MAMLD1: variants seen among roughly 807,000 people sequenced by gnomAD.
The protein encoded by MAMLD1 is mastermind-like domain-containing protein 1.
In MAMLD1, 14 loss-of-function variants were observed where a neutral mutation model predicts 45.0. The ratio of observed to expected loss-of-function variants is 0.31; its 90% CI spans 0.21 to 0.49. The LOEUF (loss-of-function observed/expected upper bound fraction) is 0.49. MAMLD1 is among the 20% of genes least tolerant of loss of function. MAMLD1 has a pLI of 0.99. For missense variants in MAMLD1, 543 were observed against 603.6 expected (o/e 0.90, Z 1.05); for synonymous variants, 254 against 247.8 (o/e 1.02, Z -0.24).
chrX:150,506,136 T>C (rs1279020002), intron 6 of MAMLD1, among the ~76,000 whole-genome samples: 1 of 111,544 alleles, frequency 9.0e-6, no homozygotes, highest in Non-Finnish European at 1.9e-5. Flanking sequence ...TGCTCAACCT[T>C]TGGGACAGAT....
intron 1 of MAMLD1, among the ~76,000 whole-genome samples, chrX:150,389,342 C>T (rs782314709): frequency 2.7e-5 from 3 of 111,844 alleles, no homozygotes; most frequent in Middle Eastern, 4.6e-3. Flanking sequence ...CCACTGTACC[C>T]GGCCCATTTC....
At chrX:150,437,595 A>G (rs1313659962) in intron 1 of MAMLD1, among the ~76,000 whole-genome samples, 16 of 111,933 alleles carry the variant, frequency 1.4e-4, no homozygotes, top group African/African-American at 4.9e-4. Flanking sequence ...AATTTTGTTG[A>G]AGGCTTTTTC....
chrX:150,454,049 C>G lies in MAMLD1; in HGVS notation c.96+8437C>G, dbSNP rs782081915. Among the ~76,000 whole-genome samples, 14 of 112,078 alleles carry G rather than the reference C, an allele frequency of 1.2e-4. No homozygotes were observed. The South Asian group carries it at 5.3e-3, about 42-fold the overall frequency. ...TAATGGAAGTGTCAGTTCTGGGCCCCCTAGGCAGCCCTGCCTGCCCTTTAC... is the reference window on the plus strand; with the variant it reads ...TAATGGAAGTGTCAGTTCTGGGCCCGCTAGGCAGCCCTGCCTGCCCTTTAC... On this transcript the variant is annotated intron_variant, in intron 2 of 7. Coordinates refer to ENST00000370401, the MANE Select transcript of MAMLD1 (RefSeq NM_005491.5).
intron 5 of MAMLD1, 74 bp downstream of exon 5, chrX:150,473,876 A>T: frequency 1.9e-6 from 2 of 1,060,238 alleles, no homozygotes; most frequent in Non-Finnish European, 2.6e-6. Flanking sequence ...CCAGAGCTGG[A>T]TCAGCTGGCT....
chrX:150,445,910 C>T (rs945950501), intron 2 of MAMLD1, among the ~76,000 whole-genome samples: 1 of 111,190 alleles, frequency 9.0e-6, no homozygotes, highest in Admixed American at 9.5e-5. Context: ...AGAGGGAAGA[C>T]GAGTTTACTT....
At chrX:150,483,982 G>A (rs1273176930) in intron 5 of MAMLD1, among the ~76,000 whole-genome samples, 1 of 112,292 alleles carries the variant, frequency 8.9e-6, no homozygotes, top group Non-Finnish European at 1.9e-5. Context: ...TAAGCCAATC[G>A]ATTTTGGTCA....
chrX:150,454,571 G>A (rs1371083219), intron 2 of MAMLD1, among the ~76,000 whole-genome samples: 1 of 111,967 alleles, frequency 8.9e-6, no homozygotes, highest in Non-Finnish European at 1.9e-5. Context: ...TGACTACAAG[G>A]AGACAGACTG....
chrX:150,500,841 G>A (rs1481726158), intron 5 of MAMLD1, among the ~76,000 whole-genome samples: 2 of 112,141 alleles, frequency 1.8e-5, no homozygotes, highest in Non-Finnish European at 3.8e-5. Context: ...AAAGACACAA[G>A]CATCAGCTAT....
At chrX:150,370,166 C>T (rs1407463746) in intron 1 of MAMLD1, among the ~76,000 whole-genome samples, 18 of 109,405 alleles carry the variant, frequency 1.6e-4, no homozygotes, top group Non-Finnish European at 5.7e-5. Flanking sequence ...GAACAGGAGC[C>T]GGTTACTATG....
chrX:150,407,054 A>C (rs1473201509), intron 1 of MAMLD1, among the ~76,000 whole-genome samples: 2 of 111,643 alleles, frequency 1.8e-5, no homozygotes, highest in Non-Finnish European at 3.8e-5. Context: ...CTGAAGAGGA[A>C]GCAGAGAGGC....
chrX:150,365,439 G>T (rs782685921), intron 1 of MAMLD1, among the ~76,000 whole-genome samples: 106 of 113,065 alleles, frequency 9.4e-4, no homozygotes, highest in African/African-American at 3.3e-3. Context: ...GCGGGCGCGC[G>T]CAGAGGCCCT....
intron 1 of MAMLD1, among the ~76,000 whole-genome samples, chrX:150,430,395 C>T (rs782210217): frequency 9.0e-6 from 1 of 111,166 alleles, no homozygotes; most frequent in Non-Finnish European, 1.9e-5. Context: ...AATATTTTCT[C>T]CCAGTCTACA....
At position 150,442,756 on chromosome X, in the gene MAMLD1, C is replaced by T. The variant is rs186580236; in HGVS notation, c.-63-2698C>T. On this transcript the variant is annotated intron_variant, in intron 1 of 7. Transcript: ENST00000370401. ...TTTTCTCTTTCCATTGGTCTTTATTCCCTTCTAATGTTCAATATCCTTTCT... is the reference window on the plus strand; with the variant it reads ...TTTTCTCTTTCCATTGGTCTTTATTTCCTTCTAATGTTCAATATCCTTTCT... 6.3e-5 allele frequency among the ~76,000 whole-genome samples: 7 copies of T among 111,666 alleles called. No homozygotes were observed. In the East Asian group the frequency reaches 2.0e-3, roughly 31 times the overall value.
intron 1 of MAMLD1, among the ~76,000 whole-genome samples, chrX:150,434,800 G>T (rs989117159): frequency 3.6e-5 from 4 of 111,715 alleles, no homozygotes; most frequent in African/African-American, 1.3e-4. Context: ...CAGTTTTTTT[G>T]AATGTGCTGA....
chrX:150,496,830 G>C (rs2037394198), intron 5 of MAMLD1, among the ~76,000 whole-genome samples: 1 of 112,353 alleles, frequency 8.9e-6, no homozygotes, highest in Non-Finnish European at 1.9e-5. Context: ...TCTATGCCAA[G>C]CACTATGGGA....
chrX:150,440,893 ATAT>A (rs1463878337), intron 1 of MAMLD1, among the ~76,000 whole-genome samples: 4 of 104,308 alleles, frequency 3.8e-5, no homozygotes, highest in African/African-American at 1.4e-4. Flanking sequence ...ATTTAATATA[ATAT>A]TTATTAAATT....
intron 1 of MAMLD1, among the ~76,000 whole-genome samples, chrX:150,406,200 A>T (rs2033992201): frequency 9.0e-6 from 1 of 110,964 alleles, no homozygotes; most frequent in Non-Finnish European, 1.9e-5. Flanking sequence ...CCCTCGCAGC[A>T]TCTGATGGGT....
At chrX:150,413,689 T>A (rs1557402934) in intron 1 of MAMLD1, among the ~76,000 whole-genome samples, 248 of 109,422 alleles carry the variant, frequency 2.3e-3, no homozygotes, top group African/African-American at 7.6e-3. Context: ...GCTACAAGAA[T>A]GTACCCCTGA....
Position 150,512,058 on chromosome X carries a change from C to A in MAMLD1, c.*99C>A. On this transcript the variant is annotated 3_prime_UTR_variant, in exon 8 of 8. Transcript: ENST00000370401. The stretch of plus-strand genomic sequence containing the variant: ...AGCCGGATCAAGGCAAGCCCCCCAT[C>A]TAGCAAGCACTTGATGCCACCCAGA... 8.9e-7 allele frequency: 1 copy of A among 1,121,725 alleles called. No individual in the cohort carries two copies. 92.4% of individuals were successfully genotyped at this position (1,121,725 alleles called of 1,213,427 possible).
Sources: gnomAD v4.1 joint callset for allele counts (sites outside exome capture counted in the v4.1 genomes callset) on GRCh38, gnomAD v4.1.1 for gene constraint, MANE v1.5 for transcripts, NCBI Gene and HGNC (gene_info 2026-07-23, HGNC 2026-07-21) for gene names.